The following HCFC2 variants were observed in gnomAD, a reference collection of about 807,000 sequenced individuals.
HCFC2 encodes host cell factor 2.
A neutral mutation model predicts 89.2 loss-of-function variants in HCFC2; 18 were observed. The observed-to-expected ratio is 0.20, with a 90% CI of 0.14 to 0.30. The LOEUF is 0.30. Among genes scored for constraint, HCFC2 ranks in the 10% least tolerant of loss-of-function variants. The pLI, the probability that HCFC2 is intolerant of heterozygous loss-of-function variation, is 1.00. For missense variants in HCFC2, 578 were observed against 956.1 expected (o/e 0.60, Z 5.21); for synonymous variants, 308 against 335.7 (o/e 0.92, Z 0.90).
At chr12:104,078,699 A>G (rs544869513) in intron 3 of HCFC2, among the ~76,000 whole-genome samples, 1 of 152,322 alleles carries the variant, frequency 6.6e-6, no homozygotes, top group South Asian at 2.1e-4. Context: ...ATCTAGTGCC[A>G]TACAGTAAAC....
chr12:104,072,531 A>T (rs1883352042), intron 3 of HCFC2, among the ~76,000 whole-genome samples: 1 of 152,124 alleles, frequency 6.6e-6, no homozygotes, highest in Non-Finnish European at 1.5e-5. Flanking sequence ...AAATCTTTTA[A>T]ATTTTCTCTC....
chr12:104,094,417 CTTAAGT>C (rs992977239), intron 10 of HCFC2, among the ~76,000 whole-genome samples: 10 of 151,990 alleles, frequency 6.6e-5, no homozygotes, highest in Non-Finnish European at 1.0e-4. Flanking sequence ...AAGAAGAAGG[CTTAAGT>C]TTGTGAGGCA....
At chr12:104,071,097 C>T (rs1233655529) in intron 3 of HCFC2, among the ~76,000 whole-genome samples, 2 of 152,140 alleles carry the variant, frequency 1.3e-5, no homozygotes, top group African/African-American at 2.4e-5. Context: ...TGAGCCACCA[C>T]GCCCGGCCAA....
rs142196228 is a variant in HCFC2 at position 104,086,929 on chromosome 12, A to G, written c.1146A>G (p.Thr382=). The change falls in exon 8 of 15, where the codon ACA becomes ACG. Residue 382 remains threonine, a synonymous_variant. Transcript: ENST00000229330. ...ATGTCAAGTGGGATGAAGTGTCTAC[A>G]GTTGAGGGCTATCTTTTGCAGTTGA... is the stretch of plus-strand genomic sequence containing the variant. ...SFHVKWDEVS[T]VEGYLLQLST... 783 of 1,614,098 alleles carry G rather than the reference A, an allele frequency of 4.9e-4. No individual in the cohort carries two copies. Among genetic ancestry groups the G allele is most frequent in the Middle Eastern group, 6.6e-4 (4 of 6,062 alleles).
At chr12:104,079,748 A>G in intron 4 of HCFC2, 95 bp downstream of exon 4, 1 of 926,332 alleles carries the variant, frequency 1.1e-6, no homozygotes, top group African/African-American at 1.6e-5. Context: ...TTGTACTTAG[A>G]TTTATAACCA....
rs1179468633 is a variant in HCFC2, at chr12:104,104,674, AGT to A, written c.*1404_*1405del. 1 of 152,006 alleles carries A rather than the reference AGT, an allele frequency of 6.6e-6. No individual in the cohort carries two copies. Among genetic ancestry groups the A allele is most frequent in the Non-Finnish European group, 1.5e-5 (1 of 67,866 alleles). 9.4% of individuals were successfully genotyped at this position (152,006 alleles called of 1,614,324 possible). ...ATGTGTGTTCCAGTTACTAATTTAA[AGT>A]GTATAGAATATTTTAATATATAATT... On this transcript the variant is annotated 3_prime_UTR_variant, in exon 15 of 15. Coordinates refer to ENST00000229330, the MANE Select transcript of HCFC2 (RefSeq NM_013320.3).
chr12:104,091,205 C>A (rs1244111480), intron 9 of HCFC2, among the ~76,000 whole-genome samples: 1 of 152,214 alleles, frequency 6.6e-6, no homozygotes, highest in South Asian at 2.1e-4. Flanking sequence ...CACATTTCAA[C>A]CTTTCTGCCT....
At position 104,066,197 on chromosome 12, in the gene HCFC2, G is replaced by C. The variant is rs746266215; in HGVS notation, c.194G>C (p.Arg65Thr). Residue 65 changes from arginine to threonine, a missense_variant, in exon 2 of 15, where the codon AGA (arginine) becomes ACA (threonine). Arg to Thr is a moderately conservative substitution (Grantham distance 71). Around this residue, in one of 4 missense-constraint regions of HCFC2, gnomAD observed 206 missense variants for 419.2 expected, o/e 0.49. Coordinates refer to ENST00000229330, the MANE Select transcript of HCFC2 (RefSeq NM_013320.3). ...AATCAGTGGTTTCTGCCAGCTGTTA[G>C]AGGAGATATCCCTCCAGGCTGTGCT... The part of the protein sequence containing the change: ...ATNQWFLPAV[R>T]GDIPPGCAAH... 1 of 1,613,452 alleles carries C rather than the reference G, an allele frequency of 6.2e-7. No individual in the cohort carries two copies. The highest frequency in any genetic ancestry group is 2.2e-5 in the East Asian group (1 of 44,862).
intron 3 of HCFC2, among the ~76,000 whole-genome samples, chr12:104,077,699 G>A (rs560906685): frequency 6.7e-6 from 1 of 148,312 alleles, no homozygotes; most frequent in Non-Finnish European, 1.5e-5. Context: ...TGCTAATTTT[G>A]TGCATACCTT....
At chr12:104,089,373 G>A (rs1418938562) in intron 9 of HCFC2, among the ~76,000 whole-genome samples, 2 of 151,992 alleles carry the variant, frequency 1.3e-5, no homozygotes, top group African/African-American at 2.4e-5. Context: ...AAAATTAGCC[G>A]GGCATGGTGG....
chr12:104,094,714 G>A (rs913427497), intron 10 of HCFC2, among the ~76,000 whole-genome samples: 2 of 152,146 alleles, frequency 1.3e-5, no homozygotes, highest in African/African-American at 4.8e-5. Flanking sequence ...CTGTTCTAAA[G>A]GGAATTAGTA....
intron 3 of HCFC2, among the ~76,000 whole-genome samples, chr12:104,070,629 T>C (rs1237479280): frequency 1.3e-5 from 2 of 152,156 alleles, no homozygotes; most frequent in Admixed American, 6.5e-5. Context: ...TATAATACAG[T>C]AGAGTTATCA....
intron 2 of HCFC2, 71 bp downstream of exon 2, chr12:104,066,386 G>C: frequency 9.0e-7 from 1 of 1,107,538 alleles, no homozygotes; most frequent in Non-Finnish European, 1.3e-6. Context: ...TCAAAAGATT[G>C]CAACATTACT....
chr12:104,103,318 G>T lies in HCFC2; in HGVS notation c.*45G>T. ...CTATTGTGATGATGATTATTTATTA[G>T]TAACTGGTTATGAAGATTTGTCATT... On this transcript the variant is annotated 3_prime_UTR_variant, in exon 15 of 15. Coordinates refer to ENST00000229330, the MANE Select transcript of HCFC2 (RefSeq NM_013320.3). 6.9e-7 allele frequency: 1 copy of T among 1,442,072 alleles called. No homozygotes were observed. The highest frequency in any genetic ancestry group is 9.6e-7 in the Non-Finnish European group (1 of 1,044,644). The allele number at this position is 1,442,072 out of a possible 1,614,324, so 89.3% of individuals were successfully genotyped here. A position where few individuals can be genotyped will look rare whatever the true frequency, so the allele number is the denominator to read the frequency against.
chr12:104,091,397 C>T (rs906308709), intron 9 of HCFC2, among the ~76,000 whole-genome samples: 6 of 151,734 alleles, frequency 4.0e-5, no homozygotes, highest in South Asian at 2.1e-4. Context: ...AAATGGGCCA[C>T]ATCTCAGTGA....
At chr12:104,072,105 G>T (rs773676898) in intron 3 of HCFC2, among the ~76,000 whole-genome samples, 3 of 152,090 alleles carry the variant, frequency 2.0e-5, no homozygotes, top group African/African-American at 4.8e-5. Flanking sequence ...AGGCATAGTG[G>T]CTCACGCCCA....
chr12:104,066,977 G>A (rs996082800), intron 2 of HCFC2, among the ~76,000 whole-genome samples: 22 of 152,114 alleles, frequency 1.4e-4, no homozygotes, highest in Non-Finnish European at 2.6e-4. Flanking sequence ...TAGTAGAGAC[G>A]GGTTTTCACC....
At position 104,065,284 on chromosome 12, in the gene HCFC2, TTG is replaced by T. The variant is rs1238260894; in HGVS notation, c.163+565_163+566del. 8 of 152,350 alleles carry T rather than the reference TTG, an allele frequency of 5.3e-5. No homozygotes were observed. The East Asian group carries it at 1.2e-3, about 22-fold the overall frequency. The allele number at this position is 152,350 out of a possible 1,614,324, so 9.4% of individuals were successfully genotyped here. On this transcript the variant is annotated intron_variant, in intron 1 of 14. Transcript: ENST00000229330. ...GCGGCGGGGACGTGGTGAGGCGGCC[TTG>T]TGTCTGCATACTCGGTGTGGACGCC...
intron 3 of HCFC2, among the ~76,000 whole-genome samples, chr12:104,075,457 C>CTTTT (rs35657094): frequency 1.2e-4 from 14 of 118,038 alleles, no homozygotes; most frequent in South Asian, 2.8e-4. Flanking sequence ...TGTTCCTAAC[C>CTTTT]TTTTTTTTTT....
Sources: allele counts gnomAD v4.1 joint callset (sites outside exome capture counted in the v4.1 genomes callset), GRCh38; gene constraint gnomAD v4.1.1; regional missense constraint gnomAD v4.1.1; transcripts MANE v1.5; gene names NCBI Gene and HGNC (gene_info 2026-07-23, HGNC 2026-07-21).